Variants in ST18 observed in about 807,000 individuals in gnomAD.
The protein encoded by ST18 is suppression of tumorigenicity 18 protein.
Under a neutral mutation model 110.0 loss-of-function variants are expected in ST18, and 50 were observed. The observed-to-expected ratio is 0.45, with a 90% CI of 0.36 to 0.58. The LOEUF is 0.58. ST18 is among the 20% of genes least tolerant of loss of function. The pLI is 0.00. For missense variants in ST18, 1,306 were observed against 1,280.1 expected, an observed-to-expected ratio of 1.02 and a Z score of -0.31; for synonymous variants, 461 against 452.4, an observed-to-expected ratio of 1.02 and a Z score of -0.24.
chr8:52,355,293 C>T (rs1029761495), intron 2 of ST18, among the ~76,000 whole-genome samples: 12 of 152,196 alleles, frequency 7.9e-5, no homozygotes, highest in African/African-American at 2.2e-4. Context: ...TAACTGGGCT[C>T]ATGGAATGGT....
chr8:52,362,993 C>T (rs1417824079), intron 2 of ST18, among the ~76,000 whole-genome samples: 5 of 152,134 alleles, frequency 3.3e-5, no homozygotes, highest in African/African-American at 9.7e-5. Context: ...GGGCGGATCA[C>T]GAGGTCAGGA....
chr8:52,137,238 C>T (rs1326145891), intron 18 of ST18, among the ~76,000 whole-genome samples, 183 bp downstream of exon 18: 5 of 152,204 alleles, frequency 3.3e-5, no homozygotes, highest in Admixed American at 1.3e-4. Flanking sequence ...GATCAGAAAA[C>T]CATTTTGACC....
At position 52,111,916 on chromosome 8, in the gene ST18, G is replaced by C. The variant is rs1020702863; in HGVS notation, c.*1282C>G. 4 of 152,474 alleles carry C rather than the reference G, an allele frequency of 2.6e-5. No individual in the cohort carries two copies. Among genetic ancestry groups the C allele is most frequent in the Admixed American group, 6.6e-5 (1 of 15,246 alleles). 9.4% of individuals were successfully genotyped at this position (152,474 alleles called of 1,614,324 possible). On this transcript the variant is annotated 3_prime_UTR_variant, in exon 26 of 26. Coordinates refer to ENST00000689386, the MANE Select transcript of ST18 (RefSeq NM_001352837.2). ...AACTCTGATCCGTTCAGAAATTCAA[G>C]ATTGTGGGCTCAATTTGAAGTGTGG...
Position 52,349,656 on chromosome 8 carries a change from G to A in ST18, c.-465+59672C>T, listed in dbSNP as rs1294627266. Among the ~76,000 whole-genome samples the A allele has an allele frequency of 2.0e-5, 3 of 152,144 alleles. No homozygotes were observed. In the South Asian group the frequency reaches 6.2e-4, roughly 32 times the overall value. The stretch of plus-strand genomic sequence containing the variant: ...ACCAATCTGACTTATAGGGTACAAA[G>A]CAAAACAAATTTCTGATTTCTAGCA... On this transcript the variant is annotated intron_variant, in intron 2 of 25. Coordinates refer to ENST00000689386, the MANE Select transcript of ST18 (RefSeq NM_001352837.2).
At chr8:52,342,987 G>A (rs1265533790) in intron 2 of ST18, among the ~76,000 whole-genome samples, 1 of 152,188 alleles carries the variant, frequency 6.6e-6, no homozygotes, top group East Asian at 1.9e-4. Context: ...GATGAGGGAG[G>A]TATCAATCTG....
At chr8:52,118,996 G>T (rs1461446753) in intron 23 of ST18, among the ~76,000 whole-genome samples, 1 of 152,206 alleles carries the variant, frequency 6.6e-6, no homozygotes, top group African/African-American at 2.4e-5. Flanking sequence ...GAGCTGCGGG[G>T]CTGCTGGCAG....
At chr8:52,300,239 T>G (rs963953332) in intron 2 of ST18, among the ~76,000 whole-genome samples, 2 of 152,204 alleles carry the variant, frequency 1.3e-5, no homozygotes, top group African/African-American at 4.8e-5. Flanking sequence ...TGTAACATCT[T>G]ACTTATTAAG....
chr8:52,344,592 AG>A (rs757950226), intron 2 of ST18, among the ~76,000 whole-genome samples: 40 of 152,078 alleles, frequency 2.6e-4, no homozygotes, highest in Admixed American at 1.2e-3. Context: ...ATAGAGACAG[AG>A]TTTCACCATG....
intron 3 of ST18, among the ~76,000 whole-genome samples, chr8:52,226,836 C>A (rs536709496): frequency 6.6e-6 from 1 of 152,126 alleles, no homozygotes; most frequent in Admixed American, 6.6e-5. Flanking sequence ...TCTATTTAAG[C>A]TATTTCATTA....
intron 2 of ST18, among the ~76,000 whole-genome samples, chr8:52,303,487 C>T (rs1396073632): frequency 1.3e-5 from 2 of 152,314 alleles, no homozygotes; most frequent in East Asian, 1.9e-4. Flanking sequence ...ACCACACTCA[C>T]AGGTATCAGG....
chr8:52,405,345 T>G (rs1844102319), intron 2 of ST18: 1 of 152,186 alleles, frequency 6.6e-6, no homozygotes, highest in Non-Finnish European at 1.5e-5. Flanking sequence ...GATTTCAGCT[T>G]AAGAAATTCT....
intron 2 of ST18, among the ~76,000 whole-genome samples, chr8:52,255,240 G>A (rs1366481911): frequency 1.3e-5 from 2 of 152,100 alleles, no homozygotes; most frequent in East Asian, 1.9e-4. Flanking sequence ...ACACTTGCTC[G>A]CAGGTCTCTG....
rs562700157 is a variant in ST18 at position 52,286,938 on chromosome 8, G to T, written c.-464-56861C>A. On this transcript the variant is annotated intron_variant, in intron 2 of 25. Transcript: ENST00000689386. ...AACCAACCCACCACGGCTTGATTCT[G>T]GTATGTGTGATACAGGTGTGCTCAA... Among the ~76,000 whole-genome samples the T allele has an allele frequency of 3.7e-4, 56 of 152,032 alleles. 3 individuals are homozygous for T. The South Asian group carries it at 0.012, about 32-fold the overall frequency.
intron 16 of ST18, among the ~76,000 whole-genome samples, chr8:52,146,756 A>G (rs2057417275): frequency 1.3e-5 from 2 of 152,232 alleles, no homozygotes. Flanking sequence ...AAGATTCAGA[A>G]CAGGATGTGA....
Position 52,126,056 on chromosome 8 carries a change from A to C in ST18, c.2751T>G (p.Thr917=), listed in dbSNP as rs778648627. The C allele has an allele frequency of 3.1e-6, 5 of 1,613,920 alleles. No homozygotes were observed. In the East Asian group the frequency reaches 6.7e-5, roughly 22 times the overall value. The change falls in exon 23 of 26, where the codon ACT becomes ACG. Residue 917 remains threonine, a synonymous_variant. Coordinates refer to ENST00000689386, the MANE Select transcript of ST18 (RefSeq NM_001352837.2). Reference sequence around the variant, plus strand: ...CAGCCAGCCCTGTGCTCTTACCCCCAGTTGCTTTGAGCTTGATGGTCATGA... The same window carrying C: ...CAGCCAGCCCTGTGCTCTTACCCCCCGTTGCTTTGAGCTTGATGGTCATGA... The part of the protein sequence containing the change: ...EELMTIKLKA[T]GGIESDEEIR...
chr8:52,366,021 CT>C (rs1827797909), intron 2 of ST18, among the ~76,000 whole-genome samples: 1 of 152,120 alleles, frequency 6.6e-6, no homozygotes, highest in South Asian at 2.1e-4. Flanking sequence ...ACACAATAGC[CT>C]TTGAGGAAAT....
intron 2 of ST18, among the ~76,000 whole-genome samples, chr8:52,315,314 A>G (rs2096003773): frequency 6.6e-6 from 1 of 152,190 alleles, no homozygotes; most frequent in African/African-American, 2.4e-5. Flanking sequence ...TAAAGAATGC[A>G]TTTTTAATTA....
rs186043820 is a variant in ST18, at chr8:52,325,602, A to T, written c.-465+83726T>A. Among the ~76,000 whole-genome samples the T allele has an allele frequency of 7.9e-5, 12 of 152,320 alleles. No individual in the cohort carries two copies. The East Asian group carries it at 1.7e-3, about 22-fold the overall frequency. On this transcript the variant is annotated intron_variant, in intron 2 of 25. Transcript: ENST00000689386. The stretch of plus-strand genomic sequence containing the variant: ...AATGAATTAATAACAATGTAATTTT[A>T]AAAAAATGGTAAAACGAAAACAGAA...
At chr8:52,239,039 G>T (rs185868294) in intron 2 of ST18, among the ~76,000 whole-genome samples, 1 of 152,024 alleles carries the variant, frequency 6.6e-6, no homozygotes, top group Non-Finnish European at 1.5e-5. Flanking sequence ...TATGTATGCC[G>T]AAACATGGAT....
Sources: gnomAD v4.1 joint callset for allele counts (sites outside exome capture counted in the v4.1 genomes callset) on GRCh38, gnomAD v4.1.1 for gene constraint, MANE v1.5 for transcripts, NCBI Gene and HGNC (gene_info 2026-07-23, HGNC 2026-07-21) for gene names.